Variants in PLA2G4F observed in about 807,000 individuals in gnomAD.
The protein encoded by PLA2G4F is cytosolic phospholipase A2 zeta.
In PLA2G4F, 105 loss-of-function variants were observed where a neutral mutation model predicts 103.1. That is an observed-to-expected ratio of 1.02 (90% CI 0.87 to 1.20). The LOEUF is 1.20. Ranked by LOEUF, PLA2G4F falls within the 50% of genes most tolerant of loss-of-function variation. PLA2G4F has a pLI of 0.00. For synonymous variants in PLA2G4F, 468 were observed against 441.1 expected, an observed-to-expected ratio of 1.06 and a Z score of -0.76; for missense variants, 1,155 against 1,075.9, an observed-to-expected ratio of 1.07 and a Z score of -1.03.
intron 2 of PLA2G4F, among the ~76,000 whole-genome samples, 200 bp downstream of exon 2, chr15:42,155,317 C>T (rs549085849): frequency 1.2e-4 from 18 of 151,858 alleles, no homozygotes; most frequent in South Asian, 4.2e-4. Context: ...CACGTATACA[C>T]ATGTACTCAC....
At chr15:42,146,933 C>G (rs2048893515) in intron 13 of PLA2G4F, 191 bp downstream of exon 13, 5 of 597,774 alleles carry the variant, frequency 8.4e-6, no homozygotes, top group Non-Finnish European at 1.5e-5. Flanking sequence ...CTCCTCCTCC[C>G]CAGGGGTTAG....
intron 19 of PLA2G4F, 117 bp from the exon 20 acceptor site, chr15:42,142,321 T>TGG: frequency 8.5e-7 from 1 of 1,169,786 alleles, no homozygotes; most frequent in African/African-American, 1.6e-5. Context: ...GGGCCCTGCT[T>TGG]GGGCCACATC....
intron 7 of PLA2G4F, chr15:42,151,244 G>C (rs777849613): frequency 1.2e-4 from 122 of 985,064 alleles, no homozygotes; most frequent in Non-Finnish European, 1.5e-4. Flanking sequence ...AGTGTAGAAC[G>C]TTGGGAGAGG....
At chr15:42,150,527 A>C in intron 8 of PLA2G4F, 41 bp from the exon 9 acceptor site, 2 of 1,602,292 alleles carry the variant, frequency 1.2e-6, no homozygotes, top group Non-Finnish European at 1.7e-6. Flanking sequence ...CCAGCAGGGA[A>C]GAAAAGTCTC....
Position 42,144,725 on chromosome 15 carries a change from C to T in PLA2G4F, c.1781-81G>A, listed in dbSNP as rs994950254. On this transcript the variant is annotated intron_variant, in intron 16 of 19. Transcript: ENST00000397272. Reference sequence around the variant, plus strand: ...GTGGTCCTTATAGTTCAGGGGTGCCCCTCCCCAACAGTGAGCCCTCCCCAC... The same window carrying T: ...GTGGTCCTTATAGTTCAGGGGTGCCTCTCCCCAACAGTGAGCCCTCCCCAC... The T allele has an allele frequency of 3.6e-5, 49 of 1,360,018 alleles. 1 individual carries two copies. The highest frequency in any genetic ancestry group is 4.8e-5 in the Non-Finnish European group (49 of 1,028,092). The allele number at this position is 1,360,018 out of a possible 1,614,324, so 84.2% of individuals were successfully genotyped here.
chr15:42,143,176 TAAAAAAAAAA>T (rs56171986), intron 18 of PLA2G4F, among the ~76,000 whole-genome samples: 44,117 of 89,770 alleles, frequency 0.49, 8,488 homozygotes, highest in East Asian at 0.72. Flanking sequence ...AGACTCCATC[TAAAAAAAAAA>T]AAAAAAAAAA....
Position 42,145,319 on chromosome 15 carries a change from AGAGT to A in PLA2G4F, c.1780+252_1780+255del, listed in dbSNP as rs199638061. 8.2e-3 allele frequency among the ~76,000 whole-genome samples: 1,242 copies of A among 152,342 alleles called. 21 individuals are homozygous for A. Among genetic ancestry groups the A allele is most frequent in the African/African-American group, 0.029 (1,195 of 41,570 alleles). ...AGGACCAGGCTGAAGAGGGGCAGAC[AGAGT>A]ATCAACCCAATACCCAGTAGTCCTG... is the stretch of plus-strand genomic sequence containing the variant. On this transcript the variant is annotated intron_variant, in intron 16 of 19. Transcript: ENST00000397272.
intron 1 of PLA2G4F, among the ~76,000 whole-genome samples, chr15:42,156,083 C>T (rs1031403583): frequency 3.3e-5 from 5 of 152,052 alleles, no homozygotes; most frequent in African/African-American, 4.8e-5. Context: ...GACGAGTCAC[C>T]GAGCAGATTG....
chr15:42,150,350 C>G lies in PLA2G4F; in HGVS notation c.885+23G>C, dbSNP rs991916850. On this transcript the variant is annotated intron_variant, in intron 9 of 19. Transcript: ENST00000397272. Reference sequence around the variant, plus strand: ...TCACAGAGAGCAGGCAGGGGTCCCTCTGGCACCCAGACAGAGCCTTACCTC... The same window carrying G: ...TCACAGAGAGCAGGCAGGGGTCCCTGTGGCACCCAGACAGAGCCTTACCTC... 8 of 1,585,078 alleles carry G rather than the reference C, an allele frequency of 5.0e-6. No homozygotes were observed. The Admixed American group carries it at 7.1e-5, about 14-fold the overall frequency.
At chr15:42,155,674 C>G in intron 1 of PLA2G4F, 85 bp from the exon 2 acceptor site, 1 of 1,381,454 alleles carries the variant, frequency 7.2e-7, no homozygotes, top group South Asian at 1.2e-5. Flanking sequence ...CATCATGGAG[C>G]AGCAACCTGG....
chr15:42,143,008 G>C (rs1262869086), intron 18 of PLA2G4F, among the ~76,000 whole-genome samples: 1 of 151,694 alleles, frequency 6.6e-6, no homozygotes, highest in South Asian at 2.1e-4. Flanking sequence ...GTGAAACCCC[G>C]TCTCTACTAA....
At position 42,150,739 on chromosome 15, in the gene PLA2G4F, C is replaced by G; in HGVS notation, c.640G>C (p.Glu214Gln). The change falls in exon 8 of 20, where the codon GAG (glutamate) becomes CAG (glutamine). Residue 214 changes from glutamate (E) to glutamine (Q), a missense_variant. Transcript: ENST00000397272. ...TGCAGGGGCAAGAGCTGTGGCTTCTCGTAGGCTCCAGGCACTGCCAGCTGG... is the reference window on the plus strand; with the variant it reads ...TGCAGGGGCAAGAGCTGTGGCTTCTGGTAGGCTCCAGGCACTGCCAGCTGG... ...QLQLAVPGAY[E>Q]KPQLLPLQPP... 6.2e-7 allele frequency: 1 copy of G among 1,611,060 alleles called. No homozygotes were observed. Among genetic ancestry groups the G allele is most frequent in the Non-Finnish European group, 8.5e-7 (1 of 1,179,140 alleles).
chr15:42,147,749 G>C lies in PLA2G4F; in HGVS notation c.1073C>G (p.Ala358Gly). ...ALDSGQVPVV[A>G]VLGSGGGTRA... ...GGTTCCACCCCCGGAACCCAACACAGCCACTACAGGCACCTGGGTACAATA... is the reference window on the plus strand; with the variant it reads ...GGTTCCACCCCCGGAACCCAACACACCCACTACAGGCACCTGGGTACAATA... The change falls in exon 12 of 20, where the codon GCT becomes GGT. Residue 358 changes from alanine to glycine, a missense_variant. By Grantham distance (60) the Ala-to-Gly change is moderately conservative. This residue lies in a region of PLA2G4F where 782 missense variants were observed against 692.9 expected (regional missense o/e 1.13). Coordinates refer to ENST00000397272, the MANE Select transcript of PLA2G4F (RefSeq NM_213600.4). 6.2e-7 allele frequency: 1 copy of C among 1,611,294 alleles called. No homozygotes were observed. Among genetic ancestry groups the C allele is most frequent in the Admixed American group, 1.7e-5 (1 of 59,968 alleles).
chr15:42,156,575 G>A lies in PLA2G4F; in HGVS notation c.-26C>T, dbSNP rs2049018174. The A allele has an allele frequency of 6.7e-7, 1 of 1,502,834 alleles. No homozygotes were observed. Among genetic ancestry groups the A allele is most frequent in the South Asian group, 1.2e-5 (1 of 81,206 alleles). 93.1% of individuals were successfully genotyped at this position (1,502,834 alleles called of 1,614,324 possible). A position where few individuals can be genotyped will look rare whatever the true frequency, so the allele number is the denominator to read the frequency against. On this transcript the variant is annotated 5_prime_UTR_variant, in exon 1 of 20. Coordinates refer to ENST00000397272, the MANE Select transcript of PLA2G4F (RefSeq NM_213600.4). Reference sequence around the variant, plus strand: ...GGCTGGGCAGCCCGGGCCCCAGCAGGGAACCCTGCCTGCGCTCCTCTGGTT... The same window carrying A: ...GGCTGGGCAGCCCGGGCCCCAGCAGAGAACCCTGCCTGCGCTCCTCTGGTT...
rs2048951318 is a variant in PLA2G4F, at chr15:42,150,717, A to G, written c.662T>C (p.Leu221Pro). The G allele has an allele frequency of 6.2e-7, 1 of 1,612,820 alleles. No individual in the cohort carries two copies. Among genetic ancestry groups the G allele is most frequent in the Non-Finnish European group, 8.5e-7 (1 of 1,179,664 alleles). Residue 221 changes from leucine (L) to proline (P), a missense_variant, in exon 8 of 20, where the codon CTG becomes CCG. Leu to Pro is a moderately conservative substitution (Grantham distance 98). Transcript: ENST00000397272. ...GAYEKPQLLP[L>P]QPPTEPGLPP... ...GAGGCCTGGCTCTGTGGGAGGCTGCAGGGGCAAGAGCTGTGGCTTCTCGTA... is the reference window on the plus strand; with the variant it reads ...GAGGCCTGGCTCTGTGGGAGGCTGCGGGGGCAAGAGCTGTGGCTTCTCGTA...
At position 42,139,038 on chromosome 15, in the gene PLA2G4F, G is replaced by C. The variant is rs3743014; in HGVS notation, c.*2946C>G. ...ATGTGTACTCAGACACAGGTATGCAGTGTAAGAGCAGCTAGGGGACTGCCC... is the reference window on the plus strand; with the variant it reads ...ATGTGTACTCAGACACAGGTATGCACTGTAAGAGCAGCTAGGGGACTGCCC... On this transcript the variant is annotated 3_prime_UTR_variant, in exon 20 of 20. Transcript: ENST00000397272. The C allele has an allele frequency of 0.15, 23,505 of 152,258 alleles. 2,206 individuals are homozygous for C. The highest frequency in any genetic ancestry group is 0.34 in the South Asian group (1,627 of 4,826). 9.4% of individuals were successfully genotyped at this position (152,258 alleles called of 1,614,324 possible).
rs554591524 is a variant in PLA2G4F, at chr15:42,147,083, T to A, written c.1419+41A>T. 85 of 1,557,836 alleles carry A rather than the reference T, an allele frequency of 5.5e-5. 1 individual carries two copies. The South Asian group carries it at 9.4e-4, about 17-fold the overall frequency. On this transcript the variant is annotated intron_variant, in intron 13 of 19. Coordinates refer to ENST00000397272, the MANE Select transcript of PLA2G4F (RefSeq NM_213600.4). Reference sequence around the variant, plus strand: ...AGAAGCAAGGGGCGGGTGGAAGGAGTGGAGAGGAGCCTACGTATTTCCTTC... The same window carrying A: ...AGAAGCAAGGGGCGGGTGGAAGGAGAGGAGAGGAGCCTACGTATTTCCTTC...
At chr15:42,151,470 A>G (rs575210042) in intron 7 of PLA2G4F, 1 of 985,244 alleles carries the variant, frequency 1.0e-6, no homozygotes, top group East Asian at 1.1e-4. Flanking sequence ...GCTGCACATG[A>G]CATCCGGGCA....
At position 42,146,227 on chromosome 15, in the gene PLA2G4F, C is replaced by T. The variant is rs777895167; in HGVS notation, c.1434G>A (p.Lys478=). 13 of 1,614,224 alleles carry T rather than the reference C, an allele frequency of 8.1e-6. No homozygotes were observed. The South Asian group carries it at 1.2e-4, about 15-fold the overall frequency. The change falls in exon 14 of 20, where the codon AAG becomes AAA. Residue 478 remains lysine (K), a synonymous_variant. Transcript: ENST00000397272. ...GGACCGCCTCCTGTTGGTCAGACAG[C>T]TTGGCAGGGTTCTCCTGGGCAGGAA... is the stretch of plus-strand genomic sequence containing the variant. The part of the protein sequence containing the change: ...YLLYQEENPA[K]LSDQQEAVRQ...
Sources: gnomAD v4.1 joint callset for allele counts (sites outside exome capture counted in the v4.1 genomes callset) on GRCh38, gnomAD v4.1.1 for gene constraint, gnomAD v4.1.1 regional missense constraint, MANE v1.5 for transcripts, NCBI Gene and HGNC (gene_info 2026-07-23, HGNC 2026-07-21) for gene names.